The following SNRPA variants were observed in gnomAD, a reference collection of about 807,000 sequenced individuals.
SNRPA encodes the protein small nuclear ribonucleoprotein polypeptide A.
SNRPA carries 10 observed loss-of-function variants against 24.5 expected under a neutral mutation model. That is an observed-to-expected ratio of 0.41 (90% confidence interval 0.25 to 0.69). The LOEUF (loss-of-function observed/expected upper bound fraction) is 0.69. Among genes scored for constraint, SNRPA ranks in the 30% least tolerant of loss-of-function variants. The pLI is 0.33. For missense variants in SNRPA, 283 were observed against 394.7 expected, an observed-to-expected ratio of 0.72 and a Z score of 2.40; for synonymous variants, 165 against 148.4, an observed-to-expected ratio of 1.11 and a Z score of -0.81.
rs548879956 is a variant in SNRPA, at chr19:40,765,299, C to T, written c.*132C>T. 6.3e-5 allele frequency: 31 copies of T among 488,476 alleles called. No individual in the cohort carries two copies. The East Asian group carries it at 9.2e-4, about 15-fold the overall frequency. 30.3% of individuals were successfully genotyped at this position (488,476 alleles called of 1,614,324 possible). A position where few individuals can be genotyped will look rare whatever the true frequency, so the allele number is the denominator to read the frequency against. Reference sequence around the variant, plus strand: ...CGTGTGTGAGTGAGTGGTCGCCACACAGCATTGTACCCAGAGTCTGTCCCC... The same window carrying T: ...CGTGTGTGAGTGAGTGGTCGCCACATAGCATTGTACCCAGAGTCTGTCCCC... On this transcript the variant is annotated 3_prime_UTR_variant, in exon 6 of 6. Transcript: ENST00000243563.
At chr19:40,764,113 G>C (rs1486495756) in intron 5 of SNRPA, among the ~76,000 whole-genome samples, 1 of 148,034 alleles carries the variant, frequency 6.8e-6, no homozygotes, top group Non-Finnish European at 1.5e-5. Flanking sequence ...TCAGGGTGGA[G>C]GCCGGTGCAG....
rs771202299 is a variant in SNRPA at position 40,751,440 on chromosome 19, C to G, written c.32C>G (p.Thr11Ser). Residue 11 changes from threonine to serine, a missense_variant, in exon 1 of 6, where the codon ACT (threonine) becomes AGT (serine). By Grantham distance (58) the Thr-to-Ser change is moderately conservative (BLOSUM62 1). Transcript: ENST00000243563. MAVPETRPNH[T>S]IYINNLNEKI... ...GTTCCCGAGACCCGCCCTAACCACA[C>G]TATTTATATCAACAACCTCAATGAG... The G allele has an allele frequency of 2.9e-5, 46 of 1,613,546 alleles. No homozygotes were observed. Among genetic ancestry groups the G allele is most frequent in the Non-Finnish European group, 3.6e-5 (42 of 1,179,684 alleles).
chr19:40,752,603 AG>A (rs2082886708), intron 1 of SNRPA, among the ~76,000 whole-genome samples: 1 of 111,698 alleles, frequency 9.0e-6, no homozygotes, highest in African/African-American at 3.4e-5. Context: ...AAAAAAAAAA[AG>A]GCTGGGCGTG....
At chr19:40,752,603 A>C (rs888403672) in intron 1 of SNRPA, among the ~76,000 whole-genome samples, 1 of 111,698 alleles carries the variant, frequency 9.0e-6, no homozygotes, top group South Asian at 2.8e-4. Flanking sequence ...AAAAAAAAAA[A>C]GGCTGGGCGT....
intron 5 of SNRPA, among the ~76,000 whole-genome samples, chr19:40,764,592 T>A (rs1251187693): frequency 2.0e-5 from 3 of 152,126 alleles, no homozygotes; most frequent in Non-Finnish European, 4.4e-5. Context: ...GTTGGGAGGC[T>A]GAGGCAGGTG....
chr19:40,764,675 G>A (rs935714436), intron 5 of SNRPA, among the ~76,000 whole-genome samples: 6 of 152,054 alleles, frequency 3.9e-5, no homozygotes, highest in African/African-American at 1.2e-4. Flanking sequence ...AAAAATACAA[G>A]AATAAAAATG....
chr19:40,763,294 G>A, intron 4 of SNRPA: 1 of 594,802 alleles, frequency 1.7e-6, no homozygotes. Context: ...AGTGGTGCCA[G>A]CACCTAGATT....
chr19:40,755,126 G>T (rs1159929857), intron 1 of SNRPA, among the ~76,000 whole-genome samples: 1 of 151,844 alleles, frequency 6.6e-6, no homozygotes, highest in Non-Finnish European at 1.5e-5. Flanking sequence ...ACCCAGGCTG[G>T]AGTGCAGTGG....
intron 1 of SNRPA, among the ~76,000 whole-genome samples, chr19:40,756,361 C>T (rs1160249533): frequency 6.6e-6 from 1 of 151,838 alleles, no homozygotes. Flanking sequence ...TTTCGGAGGC[C>T]AAGGTGGGCT....
intron 2 of SNRPA, among the ~76,000 whole-genome samples, chr19:40,759,057 A>T (rs1016068404): frequency 3.3e-5 from 5 of 151,708 alleles, no homozygotes; most frequent in Admixed American, 2.6e-4. Context: ...AAAGCACAAA[A>T]ATTAGCCAGG....
In SNRPA at chr19:40,763,413, T is replaced by C. The variant is rs910482450; in HGVS notation, c.601-174T>C. ...CTCTGCTGTCCTGTGGCCTATAGTC[T>C]GTAGGGGCAAAGAGGTGGGAGGCAG... is the stretch of plus-strand genomic sequence containing the variant. On this transcript the variant is annotated intron_variant, in intron 4 of 5. Coordinates refer to ENST00000243563, the MANE Select transcript of SNRPA (RefSeq NM_004596.5). 10 of 654,378 alleles carry C rather than the reference T, an allele frequency of 1.5e-5. No individual in the cohort carries two copies. The South Asian group carries it at 1.6e-4, about 10-fold the overall frequency. 40.5% of individuals were successfully genotyped at this position (654,378 alleles called of 1,614,324 possible).
intron 1 of SNRPA, among the ~76,000 whole-genome samples, chr19:40,754,777 G>A (rs2082901389): frequency 6.6e-6 from 1 of 152,136 alleles, no homozygotes; most frequent in African/African-American, 2.4e-5. Context: ...GAGCCAGACT[G>A]CTTCCCTGTC....
chr19:40,754,776 T>G (rs186225710), intron 1 of SNRPA, among the ~76,000 whole-genome samples: 66 of 152,228 alleles, frequency 4.3e-4, no homozygotes, highest in Middle Eastern at 3.4e-3. Flanking sequence ...GGAGCCAGAC[T>G]GCTTCCCTGT....
At chr19:40,755,045 C>G (rs2082902508) in intron 1 of SNRPA, among the ~76,000 whole-genome samples, 1 of 151,904 alleles carries the variant, frequency 6.6e-6, no homozygotes, top group South Asian at 2.1e-4. Context: ...CTTTCCTAGC[C>G]TGGTATCTAT....
At position 40,765,056 on chromosome 19, in the gene SNRPA, C is replaced by A; in HGVS notation, c.738C>A (p.Ile246=). 1.3e-6 allele frequency: 2 copies of A among 1,589,810 alleles called. No individual in the cohort carries two copies. Among genetic ancestry groups the A allele is most frequent in the Non-Finnish European group, 1.7e-6 (2 of 1,169,484 alleles). ...GTCTGGTACCCGGGCGGCATGACAT[C>A]GCCTTCGTGGAGTTTGACAATGAGG... ...EVRLVPGRHD[I]AFVEFDNEVQ... The change falls in exon 6 of 6, where the codon ATC becomes ATA. Residue 246 remains isoleucine, a synonymous_variant. Coordinates refer to ENST00000243563, the MANE Select transcript of SNRPA (RefSeq NM_004596.5).
chr19:40,752,602 A>G (rs1248963623), intron 1 of SNRPA, among the ~76,000 whole-genome samples: 1 of 118,206 alleles, frequency 8.5e-6, no homozygotes, highest in Non-Finnish European at 1.8e-5. Context: ...AAAAAAAAAA[A>G]AGGCTGGGCG....
intron 2 of SNRPA, among the ~76,000 whole-genome samples, chr19:40,757,890 C>T (rs1169616496): frequency 6.6e-6 from 1 of 150,868 alleles, no homozygotes; most frequent in Non-Finnish European, 1.5e-5. Flanking sequence ...TGCAGTGAGC[C>T]GAGATCCTGC....
intron 5 of SNRPA, among the ~76,000 whole-genome samples, chr19:40,764,222 C>G (rs745739977): frequency 6.6e-6 from 1 of 151,942 alleles, no homozygotes; most frequent in Admixed American, 6.6e-5. Context: ...GTGGGGCATT[C>G]GTCAGTGTTT....
intron 1 of SNRPA, among the ~76,000 whole-genome samples, chr19:40,754,083 C>T (rs576523406): frequency 6.8e-6 from 1 of 146,036 alleles, no homozygotes; most frequent in Non-Finnish European, 1.5e-5. Flanking sequence ...TTACAGGCGT[C>T]AGCCCCAGCG....
Sources: allele counts gnomAD v4.1 joint callset (sites outside exome capture counted in the v4.1 genomes callset), GRCh38; gene constraint gnomAD v4.1.1; transcripts MANE v1.5; gene names NCBI Gene and HGNC (gene_info 2026-07-23, HGNC 2026-07-21).